Variants in ARHGEF26 observed in about 807,000 individuals in gnomAD.
ARHGEF26 encodes Rho guanine nucleotide exchange factor (GEF) 26.
In ARHGEF26, 59 loss-of-function variants were observed where a neutral mutation model predicts 89.4. The ratio of observed to expected loss-of-function variants is 0.66; its 90% CI spans 0.54 to 0.82. The LOEUF (loss-of-function observed/expected upper bound fraction) is 0.82, where lower values mean the gene tolerates loss of function less well. ARHGEF26 is among the 40% of genes least tolerant of loss of function. The probability of loss-of-function intolerance (pLI) is 0.00; values close to 1 mark genes in which losing one functional copy is unlikely to be tolerated. For missense variants in ARHGEF26, 1,234 were observed against 1,085.6 expected (o/e 1.14, Z -1.92); for synonymous variants, 500 against 428.4 (o/e 1.17, Z -2.06).
chr3:154,178,682 A>G (rs989410602), intron 6 of ARHGEF26, among the ~76,000 whole-genome samples: 12 of 152,142 alleles, frequency 7.9e-5, no homozygotes, highest in African/African-American at 1.7e-4. Context: ...TTATGCTGCT[A>G]TGAACATTTG....
chr3:154,143,571 T>A (rs1719516232), intron 4 of ARHGEF26, among the ~76,000 whole-genome samples: 1 of 152,218 alleles, frequency 6.6e-6, no homozygotes, highest in Admixed American at 6.5e-5. Flanking sequence ...TTAAGTTTTT[T>A]AAAATAATTA....
At chr3:154,177,683 A>G (rs1436176141) in intron 6 of ARHGEF26, among the ~76,000 whole-genome samples, 1 of 152,188 alleles carries the variant, frequency 6.6e-6, no homozygotes, top group African/African-American at 2.4e-5. Flanking sequence ...GTGTCAGGGA[A>G]GCAAATAACT....
chr3:154,215,001 A>G (rs1715627546), intron 9 of ARHGEF26, among the ~76,000 whole-genome samples: 1 of 152,176 alleles, frequency 6.6e-6, no homozygotes, highest in South Asian at 2.1e-4. Flanking sequence ...AAATAGAATA[A>G]ATATATTGGG....
chr3:154,197,881 A>G (rs1312313348), intron 9 of ARHGEF26, among the ~76,000 whole-genome samples: 1 of 152,092 alleles, frequency 6.6e-6, no homozygotes, highest in African/African-American at 2.4e-5. Flanking sequence ...AATAGTGATC[A>G]AGAGATGGTC....
chr3:154,174,086 G>C (rs1346336360), intron 6 of ARHGEF26, among the ~76,000 whole-genome samples: 1 of 152,160 alleles, frequency 6.6e-6, no homozygotes, highest in Non-Finnish European at 1.5e-5. Context: ...TCTCTACAGG[G>C]AGACAAGTTC....
At chr3:154,221,949 C>G (rs982775248) in intron 10 of ARHGEF26, among the ~76,000 whole-genome samples, 3 of 152,160 alleles carry the variant, frequency 2.0e-5, no homozygotes, top group African/African-American at 7.2e-5. Flanking sequence ...GCCATAGGTG[C>G]TACTACTATG....
At chr3:154,184,372 A>T (rs1713385729) in intron 6 of ARHGEF26, among the ~76,000 whole-genome samples, 1 of 152,238 alleles carries the variant, frequency 6.6e-6, no homozygotes, top group South Asian at 2.1e-4. Flanking sequence ...GCTAGAAATC[A>T]AATAGTCTTA....
chr3:154,185,609 G>T (rs1173944858), intron 6 of ARHGEF26, among the ~76,000 whole-genome samples: 1 of 152,144 alleles, frequency 6.6e-6, no homozygotes, highest in Non-Finnish European at 1.5e-5. Flanking sequence ...GCACCTCAAG[G>T]TGTTCATCGA....
intron 11 of ARHGEF26, among the ~76,000 whole-genome samples, chr3:154,237,734 TTTTA>T (rs1467883465): frequency 1.3e-5 from 2 of 152,224 alleles, no homozygotes; most frequent in East Asian, 1.9e-4. Context: ...TTTCTTTGAC[TTTTA>T]TTTCTTTGGA....
chr3:154,253,401 A>G (rs1718284661), intron 13 of ARHGEF26, among the ~76,000 whole-genome samples: 1 of 152,216 alleles, frequency 6.6e-6, no homozygotes, highest in Admixed American at 6.5e-5. Context: ...AAACGTGTCA[A>G]ATCATTGCTT....
chr3:154,126,842 T>G (rs569979988), intron 3 of ARHGEF26, among the ~76,000 whole-genome samples: 8 of 152,244 alleles, frequency 5.3e-5, no homozygotes, highest in African/African-American at 1.9e-4. Context: ...CCTTGGGCAG[T>G]TTTGTTGTTG....
chr3:154,239,309 T>A (rs1026622033), intron 11 of ARHGEF26, among the ~76,000 whole-genome samples: 3,723 of 42,958 alleles, frequency 0.087, 20 homozygotes, highest in South Asian at 0.13. Context: ...AGTGTGTGTG[T>A]GTGTGTGTGT....
chr3:154,166,319 G>C (rs1449964489), intron 6 of ARHGEF26, among the ~76,000 whole-genome samples: 1 of 152,108 alleles, frequency 6.6e-6, no homozygotes, highest in Non-Finnish European at 1.5e-5. Flanking sequence ...CAAAATGCTG[G>C]GATTACAGGC....
intron 6 of ARHGEF26, among the ~76,000 whole-genome samples, chr3:154,166,395 A>G (rs977913428): frequency 5.9e-5 from 9 of 152,146 alleles, no homozygotes; most frequent in African/African-American, 2.2e-4. Flanking sequence ...GGTAGCAAAC[A>G]TATGAATAAC....
At position 154,256,605 on chromosome 3, in the gene ARHGEF26, C is replaced by G. The variant is rs1038519548; in HGVS notation, c.*1132C>G. ...CCCAAATGAGCTGATAAAAAACTGA[C>G]GTGAGGCTGCTTTGCCTTCAATAAT... On this transcript the variant is annotated 3_prime_UTR_variant, in exon 15 of 15. Transcript: ENST00000465093. The G allele has an allele frequency of 2.0e-6, 2 of 996,210 alleles. No individual in the cohort carries two copies. The highest frequency in any genetic ancestry group is 4.0e-5 in the African/African-American group (2 of 50,126). The allele number at this position is 996,210 out of a possible 1,614,324, so 61.7% of individuals were successfully genotyped here. A position where few individuals can be genotyped will look rare whatever the true frequency, so the allele number is the denominator to read the frequency against.
At chr3:154,191,537 A>C (rs1342244742) in intron 8 of ARHGEF26, 119 bp downstream of exon 8, 4 of 1,218,300 alleles carry the variant, frequency 3.3e-6, no homozygotes, top group African/African-American at 1.5e-5. Context: ...AAATCCCCCA[A>C]TTAAGTGAGA....
intron 6 of ARHGEF26, among the ~76,000 whole-genome samples, chr3:154,183,574 T>G (rs1433384602): frequency 6.6e-6 from 1 of 152,216 alleles, no homozygotes; most frequent in Non-Finnish European, 1.5e-5. Flanking sequence ...TAGAAATACT[T>G]TCTTGATCTT....
rs1718041682 is a variant in ARHGEF26 at position 154,122,596 on chromosome 3, C to G, written c.604C>G (p.Leu202Val). The change falls in exon 2 of 15, where the codon CTC becomes GTC. Residue 202 changes from leucine (L) to valine (V), a missense_variant. Coordinates refer to ENST00000465093, the MANE Select transcript of ARHGEF26 (RefSeq NM_015595.4). ...GAAGGCAAAGGACCCCGAACGGGGG[C>G]TCTTTCCTGGGCCCCAGAAAAGTTC... is the stretch of plus-strand genomic sequence containing the variant. ...GRKAKDPERG[L>V]FPGPQKSSSE... The G allele has an allele frequency of 6.2e-7, 1 of 1,613,594 alleles. No homozygotes were observed. The highest frequency in any genetic ancestry group is 1.1e-5 in the South Asian group (1 of 91,084).
intron 11 of ARHGEF26, among the ~76,000 whole-genome samples, chr3:154,231,973 T>C (rs1009998456): frequency 6.6e-6 from 1 of 151,520 alleles, no homozygotes; most frequent in Non-Finnish European, 1.5e-5. Flanking sequence ...GTGAAATAAA[T>C]AGTATATTTT....
Sources: allele counts gnomAD v4.1 joint callset (sites outside exome capture counted in the v4.1 genomes callset), GRCh38; gene constraint gnomAD v4.1.1; transcripts MANE v1.5; gene names NCBI Gene and HGNC (gene_info 2026-07-23, HGNC 2026-07-21).